The following METTL21A variants were observed in gnomAD, a reference collection of about 807,000 sequenced individuals.
METTL21A encodes the protein methyltransferase 21A, HSPA lysine, also known as protein N-lysine methyltransferase METTL21A.
In METTL21A, 22 loss-of-function variants were observed where a neutral mutation model predicts 20.9. That is an observed-to-expected ratio of 1.05 (90% CI 0.75 to 1.50). The LOEUF is 1.50. Among genes scored for constraint, METTL21A ranks in the 40% most tolerant of loss-of-function variants. The probability of loss-of-function intolerance (pLI) is 0.00; values close to 1 mark genes in which losing one functional copy is unlikely to be tolerated. For missense variants in METTL21A, 271 were observed against 266.8 expected (o/e 1.02, Z -0.11); for synonymous variants, 93 against 102.0 (o/e 0.91, Z 0.53).
chr2:207,618,338 C>A (rs1276794760), intron 3 of METTL21A, among the ~76,000 whole-genome samples: 2 of 152,124 alleles, frequency 1.3e-5, no homozygotes, highest in African/African-American at 4.8e-5. Context: ...TAGTAACAAA[C>A]CCTGTATATA....
intron 3 of METTL21A, among the ~76,000 whole-genome samples, chr2:207,593,027 A>T (rs933009447): frequency 6.6e-6 from 1 of 152,248 alleles, no homozygotes; most frequent in Non-Finnish European, 1.5e-5. Context: ...ACGGTCACAC[A>T]GCTTTTTGTT....
At chr2:207,604,635 AACAATTAAGTGGTAGTACATCC>A (rs1402227688), downstream of METTL21A, among the ~76,000 whole-genome samples, 4 of 152,220 alleles carry the variant, frequency 2.6e-5, no homozygotes, top group Non-Finnish European at 4.4e-5. Flanking sequence ...TTTTTAAGTG[AACAATTAAGTGGTAGTACATCC>A]ACAATGGTGT....
At chr2:207,606,413 C>T (rs1020029482), downstream of METTL21A, among the ~76,000 whole-genome samples, 23 of 152,166 alleles carry the variant, frequency 1.5e-4, no homozygotes, top group Admixed American at 5.2e-4. Context: ...ACCCAGGAGG[C>T]GGAGGTTGCA....
rs565995912 is a variant in METTL21A, at chr2:207,594,592, T to G, written c.260-12432A>C. Among the ~76,000 whole-genome samples, 3 of 152,328 alleles carry G rather than the reference T, an allele frequency of 2.0e-5. No individual in the cohort carries two copies. In the South Asian group the frequency reaches 6.2e-4, roughly 32 times the overall value. ...ATATTAATATTACATTGTATGTATA[T>G]ACCACATTTTGCTTACCACTCATCT... On this transcript the variant is annotated intron_variant, in intron 3 of 3. Coordinates refer to the METTL21A transcript ENST00000425132.
At chr2:207,591,581 C>CCT (rs1559074544) in intron 3 of METTL21A, among the ~76,000 whole-genome samples, 1 of 151,878 alleles carries the variant, frequency 6.6e-6, no homozygotes. Context: ...TACAGGTGTG[C>CCT]GCCACCACAC....
At chr2:207,624,257 A>G (rs144484278) in exon 2 of METTL21A, 20 of 1,611,766 alleles carry the variant, frequency 1.2e-5, no homozygotes, top group Non-Finnish European at 1.6e-5. Context: ...TGCGACTCCC[A>G]GGTGTCTCCA....
At chr2:207,584,989 G>A (rs553581850) in intron 3 of METTL21A, among the ~76,000 whole-genome samples, 4 of 151,674 alleles carry the variant, frequency 2.6e-5, no homozygotes, top group Non-Finnish European at 5.9e-5. Context: ...TTTCTGCCTG[G>A]ATAGGCCCAG....
At chr2:207,604,785 T>C (rs1409902156), downstream of METTL21A, among the ~76,000 whole-genome samples, 1 of 152,214 alleles carries the variant, frequency 6.6e-6, no homozygotes, top group Non-Finnish European at 1.5e-5. Flanking sequence ...ATCTGCTTCC[T>C]GTTTCTTTGG....
intron 3 of METTL21A, among the ~76,000 whole-genome samples, chr2:207,616,643 G>A (rs552350154): frequency 2.8e-4 from 43 of 152,196 alleles, no homozygotes; most frequent in African/African-American, 8.9e-4. Flanking sequence ...TCAGGAGTTC[G>A]AGACCAGCCT....
At chr2:207,615,251 C>G (rs2089533275) in intron 3 of METTL21A, among the ~76,000 whole-genome samples, 1 of 152,128 alleles carries the variant, frequency 6.6e-6, no homozygotes, top group Non-Finnish European at 1.5e-5. Context: ...GCAGGAGCAT[C>G]ACTTGAGCCC....
intron 2 of METTL21A, 49 bp from the exon 3 acceptor site, chr2:207,621,966 G>GTAGC (rs775483705): frequency 6.5e-7 from 1 of 1,534,218 alleles, no homozygotes; most frequent in Non-Finnish European, 9.0e-7. Flanking sequence ...ATGTGCTTGA[G>GTAGC]TAGCTGCAGG....
At chr2:207,621,582 T>C (rs1458028349) in intron 3 of METTL21A, among the ~76,000 whole-genome samples, 1 of 151,462 alleles carries the variant, frequency 6.6e-6, no homozygotes, top group Non-Finnish European at 1.5e-5. Context: ...AATAACAGAG[T>C]GTGTGTGTGT....
At chr2:207,597,419 T>G (rs536887795) in intron 3 of METTL21A, 1 of 252,750 alleles carries the variant, frequency 4.0e-6, no homozygotes, top group South Asian at 1.2e-4. Flanking sequence ...AGCTCCTTGA[T>G]TGCCTTAGGG....
intron 3 of METTL21A, among the ~76,000 whole-genome samples, chr2:207,588,746 T>TGC (rs1369649857): frequency 7.0e-6 from 1 of 142,848 alleles, no homozygotes; most frequent in Non-Finnish European, 1.5e-5. Flanking sequence ...TTTTTTTGTG[T>TGC]GTGGGGGTGG....
chr2:207,602,895 C>T (rs1171127267), intron 3 of METTL21A: 1 of 217,370 alleles, frequency 4.6e-6, no homozygotes, highest in African/African-American at 2.2e-5. Flanking sequence ...CTCCCCCACT[C>T]CCTGCAAAAG....
At chr2:207,623,959 G>A (rs2090811102) in intron 2 of METTL21A, among the ~76,000 whole-genome samples, 1 of 152,162 alleles carries the variant, frequency 6.6e-6, no homozygotes. Flanking sequence ...CCTTTAAAAT[G>A]TAATCTATGT....
intron 3 of METTL21A, chr2:207,600,761 T>G: frequency 4.8e-6 from 1 of 210,224 alleles, no homozygotes; most frequent in Non-Finnish European, 9.7e-6. Context: ...GTCATCTGGC[T>G]GAAGTTTATC....
intron 3 of METTL21A, among the ~76,000 whole-genome samples, chr2:207,604,049 ATG>A (rs1372897509): frequency 6.6e-6 from 1 of 152,196 alleles, no homozygotes; most frequent in Non-Finnish European, 1.5e-5. Context: ...ATTGCACAAA[ATG>A]AGACATTTTG....
chr2:207,602,896 C>T, intron 3 of METTL21A: 1 of 217,316 alleles, frequency 4.6e-6, no homozygotes, highest in Non-Finnish European at 9.3e-6. Context: ...TCCCCCACTC[C>T]CTGCAAAAGG....
Sources: gnomAD v4.1 joint callset for allele counts (sites outside exome capture counted in the v4.1 genomes callset) on GRCh38, gnomAD v4.1.1 for gene constraint, MANE v1.5 for transcripts, NCBI Gene and HGNC (gene_info 2026-07-23, HGNC 2026-07-21) for gene names.